Variants in C11orf65 observed in about 807,000 individuals in gnomAD.
C11orf65 encodes chromosome 11 open reading frame 65.
Under a neutral mutation model 35.3 loss-of-function variants are expected in C11orf65, and 38 were observed. The ratio of observed to expected loss-of-function variants is 1.08; its 90% confidence interval spans 0.83 to 1.41. The LOEUF (loss-of-function observed/expected upper bound fraction) is 1.41, where lower values mean the gene tolerates loss of function less well. Among genes scored for constraint, C11orf65 ranks in the 40% most tolerant of loss-of-function variants. The pLI, the probability that C11orf65 is intolerant of heterozygous loss-of-function variation, is 0.00. For missense variants in C11orf65, 370 were observed against 367.1 expected (o/e 1.01, Z -0.06); for synonymous variants, 105 against 114.4 (o/e 0.92, Z 0.53).
intron 6 of C11orf65, among the ~76,000 whole-genome samples, chr11:108,400,111 C>T (rs552949055): frequency 1.3e-5 from 2 of 152,252 alleles, no homozygotes; most frequent in African/African-American, 4.8e-5. Context: ...CCATTGAAGC[C>T]AGCTTGTTTG....
intron 2 of C11orf65, among the ~76,000 whole-genome samples, chr11:108,432,570 C>T (rs1183150098): frequency 6.6e-6 from 1 of 152,164 alleles, no homozygotes; most frequent in East Asian, 1.9e-4. Flanking sequence ...GTAACTCTCC[C>T]CTCAAGCCCC....
At chr11:108,436,287 C>A (rs962849383) in intron 2 of C11orf65, among the ~76,000 whole-genome samples, 22 of 152,172 alleles carry the variant, frequency 1.4e-4, no homozygotes, top group African/African-American at 5.1e-4. Context: ...CCTCCAGAAC[C>A]GTAAGATAAT....
intron 2 of C11orf65, chr11:108,365,596 G>T: frequency 1.4e-6 from 2 of 1,449,044 alleles, no homozygotes; most frequent in South Asian, 1.3e-5. Flanking sequence ...CTTTAAGTAG[G>T]GATTAATATT....
intron 2 of C11orf65, among the ~76,000 whole-genome samples, chr11:108,433,261 C>A (rs145937253): frequency 0.023 from 3,347 of 148,608 alleles, 45 homozygotes; most frequent in African/African-American, 0.035. Context: ...ATATCTCTCT[C>A]TATATATATA....
At chr11:108,353,453 T>A (rs1220439640) in intron 2 of C11orf65, among the ~76,000 whole-genome samples, 2 of 152,158 alleles carry the variant, frequency 1.3e-5, no homozygotes, top group Non-Finnish European at 2.9e-5. Context: ...AGCCTAAAAA[T>A]TTTTTAAATA....
At chr11:108,330,877 A>C (rs537731152), downstream of C11orf65, among the ~76,000 whole-genome samples, 1 of 152,350 alleles carries the variant, frequency 6.6e-6, no homozygotes, top group South Asian at 2.1e-4. Context: ...AAATGTCAAG[A>C]CAGCAGTATT....
chr11:108,446,732 C>A (rs1210216673), intron 2 of C11orf65, among the ~76,000 whole-genome samples: 2 of 152,114 alleles, frequency 1.3e-5, no homozygotes, highest in African/African-American at 4.8e-5. Context: ...AACTAACGAG[C>A]AAAATAACCA....
At chr11:108,469,306 A>C (rs896311919), upstream of C11orf65, among the ~76,000 whole-genome samples, 1 of 151,912 alleles carries the variant, frequency 6.6e-6, no homozygotes, top group Non-Finnish European at 1.5e-5. Flanking sequence ...TAGAAGGATA[A>C]ATTTATGTAT....
chr11:108,460,060 G>A (rs2093454941), intron 2 of C11orf65, among the ~76,000 whole-genome samples: 1 of 152,064 alleles, frequency 6.6e-6, no homozygotes, highest in African/African-American at 2.4e-5. Context: ...CTTGAGCCCA[G>A]GAGTTTGAGA....
rs2136129335 is a variant in C11orf65 at position 108,316,058 on chromosome 11, C to A, written c.641-6987G>T. ...GCAATGTGGGGCAAAGCCCTAGTAA[C>A]ATATGACCTCGAAACAGCAATCCCC... is the stretch of plus-strand genomic sequence containing the variant. On this transcript the variant is annotated intron_variant, in intron 6 of 6. Coordinates refer to the C11orf65 transcript ENST00000525729. 6.2e-7 allele frequency: 1 copy of A among 1,614,144 alleles called. No individual in the cohort carries two copies. Among genetic ancestry groups the A allele is most frequent in the Non-Finnish European group, 8.5e-7 (1 of 1,180,014 alleles).
rs760471392 is a variant in C11orf65, at chr11:108,383,032, AAGTAGAATC to A, written c.922_930del (p.Asp308_Thr310del). 1.2e-6 allele frequency: 2 copies of A among 1,611,030 alleles called. No individual in the cohort carries two copies. The highest frequency in any genetic ancestry group is 8.5e-7 in the Non-Finnish European group (1 of 1,179,302). On this transcript the variant is annotated inframe_deletion, in exon 9 of 9. Coordinates refer to ENST00000393084, the MANE Select transcript of C11orf65 (RefSeq NM_152587.5). The stretch of plus-strand genomic sequence containing the variant: ...AGAAATAAAGTACTTTATAGTCCAT[AAGTAGAATC>A]AGGCGTTAATCTAGTTACATTTGGT...
Position 108,317,445 on chromosome 11 carries a change from T to C in C11orf65, c.641-8374A>G, listed in dbSNP as rs2084784301. 6.2e-7 allele frequency: 1 copy of C among 1,612,698 alleles called. No individual in the cohort carries two copies. The highest frequency in any genetic ancestry group is 8.5e-7 in the Non-Finnish European group (1 of 1,179,466). ...AGGATTGGATTATGAAAATAAAGAC[T>C]GGTGTCCTGAACTAGAAGAACTTCA... On this transcript the variant is annotated intron_variant, in intron 6 of 6. Transcript: ENST00000525729.
chr11:108,467,430 T>C (rs1339850632), intron 1 of C11orf65, 41 bp downstream of exon 1: 1 of 152,194 alleles, frequency 6.6e-6, no homozygotes, highest in African/African-American at 2.4e-5. Flanking sequence ...ACCGGAACAG[T>C]AGTACGCGCT....
At chr11:108,321,523 C>T in intron 6 of C11orf65, 5 of 1,535,608 alleles carry the variant, frequency 3.3e-6, no homozygotes, top group Non-Finnish European at 4.5e-6. Flanking sequence ...TGGCTCATGC[C>T]TGTAATCCTA....
At chr11:108,364,800 G>C (rs946234466) in intron 2 of C11orf65, among the ~76,000 whole-genome samples, 70 of 152,264 alleles carry the variant, frequency 4.6e-4, no homozygotes, top group African/African-American at 1.6e-3. Flanking sequence ...GAAAGAAAGT[G>C]ACTAACCTTT....
chr11:108,466,581 A>G (rs528766907), intron 1 of C11orf65, among the ~76,000 whole-genome samples: 1 of 152,312 alleles, frequency 6.6e-6, no homozygotes, highest in South Asian at 2.1e-4. Flanking sequence ...TCAAAAACAA[A>G]CAACAACAAA....
At chr11:108,332,267 A>G (rs1295164263) in intron 3 of C11orf65, among the ~76,000 whole-genome samples, 2 of 152,020 alleles carry the variant, frequency 1.3e-5, no homozygotes, top group Non-Finnish European at 2.9e-5. Context: ...CCCTGTCTCT[A>G]CTAAAAATGC....
chr11:108,434,683 T>A (rs1343720633), intron 2 of C11orf65, among the ~76,000 whole-genome samples: 2 of 152,028 alleles, frequency 1.3e-5, no homozygotes, highest in Non-Finnish European at 2.9e-5. Flanking sequence ...GAGACAAAAA[T>A]TGATTATTTG....
intron 2 of C11orf65, chr11:108,367,282 C>T (rs759768341): frequency 1.7e-5 from 3 of 181,066 alleles, no homozygotes; most frequent in South Asian, 2.0e-4. Context: ...CCACCGCGCC[C>T]GGCCTCATTC....
Sources: gnomAD v4.1 joint callset for allele counts (sites outside exome capture counted in the v4.1 genomes callset) on GRCh38, gnomAD v4.1.1 for gene constraint, MANE v1.5 for transcripts, NCBI Gene and HGNC (gene_info 2026-07-23, HGNC 2026-07-21) for gene names.